GSK3B: variants seen among roughly 807,000 people sequenced by gnomAD.
The protein encoded by GSK3B is glycogen synthase kinase 3 beta.
Under a neutral mutation model 56.4 loss-of-function variants are expected in GSK3B, and 15 were observed. The ratio of observed to expected loss-of-function variants is 0.27; its 90% CI spans 0.18 to 0.41. The LOEUF is 0.41. GSK3B is among the 10% of genes least tolerant of loss of function. The pLI, the probability that GSK3B is intolerant of heterozygous loss-of-function variation, is 1.00. For synonymous variants in GSK3B, 181 were observed against 188.9 expected (o/e 0.96, Z 0.34); for missense variants, 300 against 513.4 (o/e 0.58, Z 4.02).
chr3:119,895,838 G>A (rs1165976091), intron 7 of GSK3B, among the ~76,000 whole-genome samples: 1 of 152,034 alleles, frequency 6.6e-6, no homozygotes, highest in Non-Finnish European at 1.5e-5. Flanking sequence ...AAAACAAGAA[G>A]TGTGGCTGGG....
At chr3:119,852,446 T>C (rs1415823954) in intron 9 of GSK3B, among the ~76,000 whole-genome samples, 1 of 152,106 alleles carries the variant, frequency 6.6e-6, no homozygotes, top group Non-Finnish European at 1.5e-5. Flanking sequence ...CCTCCTGGGT[T>C]CAGGCGATTC....
At chr3:119,891,567 A>G (rs2056502405) in intron 7 of GSK3B, among the ~76,000 whole-genome samples, 2 of 152,162 alleles carry the variant, frequency 1.3e-5, no homozygotes, top group African/African-American at 2.4e-5. Flanking sequence ...TTCATACACA[A>G]AACAAGTCTT....
At chr3:119,892,757 A>G (rs759497215) in intron 7 of GSK3B, among the ~76,000 whole-genome samples, 1 of 152,192 alleles carries the variant, frequency 6.6e-6, no homozygotes, top group Admixed American at 6.6e-5. Flanking sequence ...GAAATTATAT[A>G]ACACAACATA....
At chr3:119,876,278 C>G (rs570662743) in intron 8 of GSK3B, 135 bp downstream of exon 8, 1 of 607,290 alleles carries the variant, frequency 1.6e-6, no homozygotes, top group Non-Finnish European at 2.9e-6. Flanking sequence ...CACTCAAGTA[C>G]ATCTATACAA....
chr3:119,964,691 C>G (rs1022501137), intron 2 of GSK3B, among the ~76,000 whole-genome samples: 2 of 152,036 alleles, frequency 1.3e-5, no homozygotes, highest in African/African-American at 4.8e-5. Flanking sequence ...AACATAGGGC[C>G]TATAATTAAC....
rs546614027 is a variant in GSK3B, at chr3:120,044,175, T to C, written c.89-41936A>G. ...ATCATGCCAAGCTCTCTCCCTGCTCTATCCCAAAGTCCAACACCCTGTGGG... is the reference window on the plus strand; with the variant it reads ...ATCATGCCAAGCTCTCTCCCTGCTCCATCCCAAAGTCCAACACCCTGTGGG... On this transcript the variant is annotated intron_variant, in intron 1 of 10. Coordinates refer to ENST00000264235, the MANE Select transcript of GSK3B (RefSeq NM_001146156.2). 3.3e-5 allele frequency among the ~76,000 whole-genome samples: 5 copies of C among 152,328 alleles called. No homozygotes were observed. In the East Asian group the frequency reaches 9.7e-4, roughly 30 times the overall value.
chr3:119,994,152 G>GT (rs2057592601), intron 2 of GSK3B, among the ~76,000 whole-genome samples: 1 of 152,122 alleles, frequency 6.6e-6, no homozygotes, highest in Admixed American at 6.6e-5. Flanking sequence ...GTGAGCCACT[G>GT]CACCTGGCCT....
intron 9 of GSK3B, among the ~76,000 whole-genome samples, chr3:119,860,269 G>A (rs1334106277): frequency 6.6e-6 from 1 of 152,200 alleles, no homozygotes; most frequent in Non-Finnish European, 1.5e-5. Context: ...CCTAAGGTCT[G>A]ATTCAGCTAT....
rs1382937924 is a variant in GSK3B at position 119,826,730 on chromosome 3, C to T, written c.*58G>A. 4.8e-5 allele frequency: 50 copies of T among 1,046,198 alleles called. No homozygotes were observed. In the East Asian group the frequency reaches 1.2e-3, roughly 24 times the overall value. The allele number at this position is 1,046,198 out of a possible 1,614,324, so 64.8% of individuals were successfully genotyped here. Reference sequence around the variant, plus strand: ...TTCTTTCCAAACGTGACCAGTGTTGCTGAGTGACACTCAAGTAACTGGTGG... The same window carrying T: ...TTCTTTCCAAACGTGACCAGTGTTGTTGAGTGACACTCAAGTAACTGGTGG... On this transcript the variant is annotated 3_prime_UTR_variant, in exon 11 of 11. Transcript: ENST00000264235.
intron 2 of GSK3B, among the ~76,000 whole-genome samples, chr3:119,955,904 CG>C (rs1161417361): frequency 6.6e-6 from 1 of 152,110 alleles, no homozygotes; most frequent in African/African-American, 2.4e-5. Flanking sequence ...CCGCCTACCT[CG>C]GCCTCCCAAA....
rs1445480299 is a variant in GSK3B, at chr3:120,053,728, T to A, written c.88+39619A>T. Among the ~76,000 whole-genome samples, 5 of 152,204 alleles carry A rather than the reference T, an allele frequency of 3.3e-5. No homozygotes were observed. In the East Asian group the frequency reaches 9.6e-4, roughly 29 times the overall value. On this transcript the variant is annotated intron_variant, in intron 1 of 10. Transcript: ENST00000264235. The stretch of plus-strand genomic sequence containing the variant: ...GACCCACATTGTATCATGGGGCACA[T>A]CTTTCCCATACTGTTCTTATGATAG...
intron 3 of GSK3B, among the ~76,000 whole-genome samples, chr3:119,933,375 CAT>C (rs2107476725): frequency 6.6e-6 from 1 of 152,252 alleles, no homozygotes; most frequent in Non-Finnish European, 1.5e-5. Context: ...GAAGTGAAGA[CAT>C]AGAGCCCCCC....
chr3:119,933,635 G>A (rs2056967580), intron 3 of GSK3B, among the ~76,000 whole-genome samples: 1 of 152,226 alleles, frequency 6.6e-6, no homozygotes, highest in African/African-American at 2.4e-5. Flanking sequence ...CCAGCACTTT[G>A]GGAGGCCGAG....
chr3:119,884,377 A>G (rs1185706930), intron 7 of GSK3B, among the ~76,000 whole-genome samples: 1 of 152,194 alleles, frequency 6.6e-6, no homozygotes, highest in Non-Finnish European at 1.5e-5. Context: ...TTTTCCTTTC[A>G]AAGTACTGCC....
Position 120,078,660 on chromosome 3 carries a change from C to T in GSK3B, c.88+14687G>A, listed in dbSNP as rs186749164. On this transcript the variant is annotated intron_variant, in intron 1 of 10. Coordinates refer to ENST00000264235, the MANE Select transcript of GSK3B (RefSeq NM_001146156.2). Reference sequence around the variant, plus strand: ...CTCTGCCTCTGGGGTTCAAGCGATTCTTCTGCCTCAGCCTCCCGTGTAGCT... The same window carrying T: ...CTCTGCCTCTGGGGTTCAAGCGATTTTTCTGCCTCAGCCTCCCGTGTAGCT... Among the ~76,000 whole-genome samples the T allele has an allele frequency of 6.3e-3, 952 of 150,680 alleles. 12 individuals carry two copies. The highest frequency in any genetic ancestry group is 0.02 in the African/African-American group (814 of 40,984).
At chr3:119,845,698 A>G (rs2055845603) in intron 9 of GSK3B, among the ~76,000 whole-genome samples, 1 of 152,234 alleles carries the variant, frequency 6.6e-6, no homozygotes, top group African/African-American at 2.4e-5. Flanking sequence ...ATGCTAATGG[A>G]TAGGAAGAAT....
At chr3:120,040,777 TG>T (rs1353319717) in intron 1 of GSK3B, among the ~76,000 whole-genome samples, 1 of 151,850 alleles carries the variant, frequency 6.6e-6, no homozygotes, top group East Asian at 1.9e-4. Context: ...GACCATCACA[TG>T]GGATCCCCTA....
Position 120,094,330 on chromosome 3 carries a change from G to A in GSK3B, c.-896C>T. ...TTTGCCCCAGCCCAGAGCCCTGTCA[G>A]CGGCTGCGGGGCCGGCTCCTCCTCG... On this transcript the variant is annotated 5_prime_UTR_variant, in exon 1 of 11. Coordinates refer to ENST00000264235, the MANE Select transcript of GSK3B (RefSeq NM_001146156.2). 1 of 276,704 alleles carries A rather than the reference G, an allele frequency of 3.6e-6. No individual in the cohort carries two copies. Among genetic ancestry groups the A allele is most frequent in the Non-Finnish European group, 6.9e-6 (1 of 145,656 alleles). The allele number at this position is 276,704 out of a possible 1,614,324, so 17.1% of individuals were successfully genotyped here. A position where few individuals can be genotyped will look rare whatever the true frequency, so the allele number is the denominator to read the frequency against.
chr3:119,907,480 C>G (rs970876587), intron 6 of GSK3B, among the ~76,000 whole-genome samples: 6 of 152,098 alleles, frequency 3.9e-5, no homozygotes, highest in Non-Finnish European at 8.8e-5. Flanking sequence ...TTAGTAAAAA[C>G]AAGGTACTTA....
Sources: gnomAD v4.1 joint callset for allele counts (sites outside exome capture counted in the v4.1 genomes callset) on GRCh38, gnomAD v4.1.1 for gene constraint, MANE v1.5 for transcripts, NCBI Gene and HGNC (gene_info 2026-07-23, HGNC 2026-07-21) for gene names.